The following TMTC2 variants were observed in gnomAD, a reference collection of about 807,000 sequenced individuals.
TMTC2 encodes the protein protein O-mannosyl-transferase TMTC2.
TMTC2 carries 43 observed loss-of-function variants against 82.4 expected under a neutral mutation model. The ratio of observed to expected loss-of-function variants is 0.52; its 90% CI spans 0.41 to 0.67. The LOEUF (loss-of-function observed/expected upper bound fraction) is 0.67, where lower values mean the gene tolerates loss of function less well. Among genes scored for constraint, TMTC2 ranks in the 30% least tolerant of loss-of-function variants. TMTC2 has a pLI of 0.00. For missense variants in TMTC2, 919 were observed against 1,012.4 expected, an observed-to-expected ratio of 0.91 and a Z score of 1.25; for synonymous variants, 408 against 381.9, an observed-to-expected ratio of 1.07 and a Z score of -0.80.
chr12:82,779,271 G>A (rs1877773601), intron 1 of TMTC2, among the ~76,000 whole-genome samples: 1 of 152,058 alleles, frequency 6.6e-6, no homozygotes, highest in African/African-American at 2.4e-5. Context: ...GGTGAGGGCA[G>A]AGGCTGATGG....
intron 1 of TMTC2, among the ~76,000 whole-genome samples, chr12:82,698,141 A>C (rs1318810012): frequency 1.3e-5 from 2 of 152,170 alleles, no homozygotes; most frequent in African/African-American, 4.8e-5. Context: ...ACTATATCTG[A>C]AGTTTTAAAG....
chr12:82,719,282 C>A lies in TMTC2; in HGVS notation c.83+31613C>A, dbSNP rs551608338. On this transcript the variant is annotated intron_variant, in intron 1 of 11. Coordinates refer to ENST00000321196, the MANE Select transcript of TMTC2 (RefSeq NM_152588.3). ...CTAATTTTTGTATTTTCAGTAGAGA[C>A]GGGGTTTCACCATCTTGGCCAGGCT... 2.9e-4 allele frequency among the ~76,000 whole-genome samples: 44 copies of A among 151,310 alleles called. 2 individuals carry two copies. The South Asian group carries it at 8.8e-3, about 30-fold the overall frequency.
intron 1 of TMTC2, among the ~76,000 whole-genome samples, chr12:82,815,799 T>G (rs958007207): frequency 3.3e-5 from 5 of 152,132 alleles, no homozygotes; most frequent in Non-Finnish European, 7.4e-5. Context: ...TGAATCAATC[T>G]GAAAGATAAC....
At chr12:82,911,036 A>G (rs1874619755) in intron 3 of TMTC2, among the ~76,000 whole-genome samples, 1 of 151,880 alleles carries the variant, frequency 6.6e-6, no homozygotes, top group African/African-American at 2.4e-5. Flanking sequence ...GTCCGCCACC[A>G]TGCCCGGCTA....
chr12:82,781,780 G>T (rs1877924876), intron 1 of TMTC2, among the ~76,000 whole-genome samples: 1 of 148,744 alleles, frequency 6.7e-6, no homozygotes, highest in Non-Finnish European at 1.5e-5. Context: ...TACATGCCTA[G>T]GCTGCTTCTC....
At chr12:82,832,343 G>GTTT (rs202150424) in intron 1 of TMTC2, among the ~76,000 whole-genome samples, 125 of 143,872 alleles carry the variant, frequency 8.7e-4, no homozygotes, top group African/African-American at 2.2e-3. Flanking sequence ...TTATGTACAA[G>GTTT]TTTTTTTTTT....
chr12:82,851,961 C>T (rs1423173889), intron 1 of TMTC2, among the ~76,000 whole-genome samples: 3 of 151,674 alleles, frequency 2.0e-5, no homozygotes, highest in Non-Finnish European at 2.9e-5. Context: ...GGCAGTGTCA[C>T]ATCATTCATC....
chr12:82,798,021 T>A (rs1878805274), intron 1 of TMTC2, among the ~76,000 whole-genome samples: 1 of 145,534 alleles, frequency 6.9e-6, no homozygotes, highest in Admixed American at 7.0e-5. Context: ...CACTGCAAGC[T>A]CCGCCTCCCA....
intron 6 of TMTC2, 57 bp downstream of exon 6, chr12:82,965,801 T>C (rs986760825): frequency 1.2e-6 from 2 of 1,601,568 alleles, no homozygotes; most frequent in Admixed American, 1.7e-5. Flanking sequence ...CCAGTCTCAG[T>C]GGTTTGTAAC....
intron 7 of TMTC2, among the ~76,000 whole-genome samples, chr12:82,971,871 A>G (rs565007125): frequency 6.6e-6 from 1 of 152,262 alleles, no homozygotes; most frequent in East Asian, 1.9e-4. Flanking sequence ...GACATATGAA[A>G]TGTAAATAGT....
intron 7 of TMTC2, among the ~76,000 whole-genome samples, chr12:82,969,694 C>T (rs1878365976): frequency 1.3e-5 from 2 of 152,148 alleles, no homozygotes; most frequent in Admixed American, 6.5e-5. Context: ...AATTCCCCAA[C>T]TTAAATTTTC....
intron 4 of TMTC2, 71 bp downstream of exon 4, chr12:82,930,616 T>A: frequency 1.1e-6 from 1 of 896,368 alleles, no homozygotes; most frequent in Non-Finnish European, 1.8e-6. Context: ...TTGATTTAAC[T>A]GCTGGAAATG....
chr12:82,930,327 T>G, intron 3 of TMTC2, 104 bp from the exon 4 acceptor site: 1 of 606,138 alleles, frequency 1.6e-6, no homozygotes, highest in Admixed American at 2.7e-5. Flanking sequence ...TAAAAATGTT[T>G]TATGATGGTT....
intron 4 of TMTC2, among the ~76,000 whole-genome samples, chr12:82,932,052 A>T (rs1338279719): frequency 6.6e-6 from 1 of 152,222 alleles, no homozygotes; most frequent in South Asian, 2.1e-4. Context: ...TGATACTGAC[A>T]GTATTAAACT....
rs569496694 is a variant in TMTC2 at position 82,926,299 on chromosome 12, C to T, written c.1484-4132C>T. On this transcript the variant is annotated intron_variant, in intron 3 of 11. Coordinates refer to ENST00000321196, the MANE Select transcript of TMTC2 (RefSeq NM_152588.3). The stretch of plus-strand genomic sequence containing the variant: ...CGGCCACGGGAAAGTTTTATTGGCC[C>T]GGATAAAACATCAAACCAGCCATAA... 3.3e-4 allele frequency among the ~76,000 whole-genome samples: 50 copies of T among 152,158 alleles called. 1 individual carries two copies. The South Asian group carries it at 9.7e-3, about 30-fold the overall frequency.
chr12:82,813,689 C>T (rs948616600), intron 1 of TMTC2, among the ~76,000 whole-genome samples: 2 of 152,000 alleles, frequency 1.3e-5, no homozygotes, highest in African/African-American at 4.8e-5. Flanking sequence ...CCCTCCCTAC[C>T]CTTTTAATCT....
At chr12:82,949,441 T>A (rs1273071176) in intron 4 of TMTC2, among the ~76,000 whole-genome samples, 1 of 152,200 alleles carries the variant, frequency 6.6e-6, no homozygotes, top group Non-Finnish European at 1.5e-5. Flanking sequence ...TTTGTTTTCA[T>A]GGGAAGGGTA....
chr12:83,131,361 T>G (rs564306118), intron 11 of TMTC2, among the ~76,000 whole-genome samples: 2 of 152,342 alleles, frequency 1.3e-5, no homozygotes, highest in African/African-American at 4.8e-5. Context: ...GATGAAAACC[T>G]TTGTATTAAA....
At chr12:83,068,352 A>G (rs1882992965) in intron 11 of TMTC2, among the ~76,000 whole-genome samples, 1 of 152,176 alleles carries the variant, frequency 6.6e-6, no homozygotes, top group African/African-American at 2.4e-5. Context: ...AATTAGAACA[A>G]AAAAACATAA....
Sources: gnomAD v4.1 joint callset for allele counts (sites outside exome capture counted in the v4.1 genomes callset) on GRCh38, gnomAD v4.1.1 for gene constraint, MANE v1.5 for transcripts, NCBI Gene and HGNC (gene_info 2026-07-23, HGNC 2026-07-21) for gene names.